Variants in HMGCLL1 observed in about 807,000 individuals in gnomAD.
HMGCLL1 encodes 3-hydroxymethyl-3-methylglutaryl-CoA lyase, cytoplasmic.
HMGCLL1 carries 36 observed loss-of-function variants against 39.1 expected under a neutral mutation model. The observed-to-expected ratio is 0.92, with a 90% CI of 0.71 to 1.22. The LOEUF is 1.22. Ranked by LOEUF, HMGCLL1 falls within the 50% of genes most tolerant of loss-of-function variation. The pLI is 0.00. For missense variants in HMGCLL1, 451 were observed against 416.5 expected, an observed-to-expected ratio of 1.08 and a Z score of -0.72; for synonymous variants, 149 against 144.0, an observed-to-expected ratio of 1.03 and a Z score of -0.25.
chr6:55,647,158 C>A, the HMGCLL1 span, among the ~76,000 whole-genome samples: 15 of 151,916 alleles, frequency 9.9e-5, no homozygotes, highest in East Asian at 3.9e-4. Flanking sequence ...TATATAATGA[C>A]CTTCTCTTTT....
intron 6 of HMGCLL1, 25 bp downstream of exon 6, chr6:55,499,211 C>CA (rs1308930662): frequency 6.3e-7 from 1 of 1,588,250 alleles, no homozygotes; most frequent in Admixed American, 1.8e-5. Flanking sequence ...TACCATAAAC[C>CA]AAAAAAGCTG....
the HMGCLL1 span, among the ~76,000 whole-genome samples, chr6:55,617,204 A>G: frequency 5.9e-5 from 9 of 152,078 alleles, no homozygotes; most frequent in Non-Finnish European, 7.4e-5. Context: ...TGCACTCATG[A>G]TGTCCTGTCT....
At chr6:55,496,868 A>T (rs765733822) in intron 6 of HMGCLL1, among the ~76,000 whole-genome samples, 5 of 152,138 alleles carry the variant, frequency 3.3e-5, no homozygotes, top group Non-Finnish European at 7.4e-5. Flanking sequence ...AGCTATTAGT[A>T]GTTAAGTTTT....
At chr6:55,609,120 C>A in the HMGCLL1 span, among the ~76,000 whole-genome samples, 1 of 152,222 alleles carries the variant, frequency 6.6e-6, no homozygotes. Context: ...AATCACAGAG[C>A]CTTGCAGATT....
the HMGCLL1 span, among the ~76,000 whole-genome samples, chr6:55,656,515 G>A: frequency 6.6e-4 from 101 of 151,900 alleles, no homozygotes; most frequent in African/African-American, 2.0e-3. Flanking sequence ...CCTTGTGTAC[G>A]TCCCTCCACT....
At chr6:55,554,356 T>A (rs1021172510) in intron 1 of HMGCLL1, among the ~76,000 whole-genome samples, 5 of 152,066 alleles carry the variant, frequency 3.3e-5, no homozygotes, top group African/African-American at 1.2e-4. Context: ...ATCTAAAATT[T>A]TTTAAATTGT....
chr6:55,443,159 T>C (rs1763677413), intron 7 of HMGCLL1, among the ~76,000 whole-genome samples: 1 of 152,194 alleles, frequency 6.6e-6, no homozygotes, highest in Non-Finnish European at 1.5e-5. Flanking sequence ...GTTTCTTATC[T>C]ATCTCACCCT....
chr6:55,650,676 A>G, the HMGCLL1 span, among the ~76,000 whole-genome samples: 2 of 152,038 alleles, frequency 1.3e-5, no homozygotes, highest in Non-Finnish European at 2.9e-5. Flanking sequence ...TCTGGAAGCC[A>G]AGGATTAGAG....
the HMGCLL1 span, among the ~76,000 whole-genome samples, chr6:55,605,070 A>G: frequency 6.6e-5 from 10 of 152,342 alleles, no homozygotes; most frequent in African/African-American, 2.4e-4. Context: ...AGGCACAGCT[A>G]CTAGAAAGGC....
the HMGCLL1 span, among the ~76,000 whole-genome samples, chr6:55,671,461 G>C: frequency 6.6e-6 from 1 of 151,720 alleles, no homozygotes; most frequent in Non-Finnish European, 1.5e-5. Flanking sequence ...CCTCTAACAA[G>C]ACTTTTTACA....
intron 3 of HMGCLL1, 86 bp downstream of exon 3, chr6:55,541,643 A>T (rs1001025582): frequency 4.4e-6 from 3 of 683,756 alleles, no homozygotes; most frequent in Admixed American, 5.2e-5. Context: ...ATTAGTAATT[A>T]TATCAAGTTA....
chr6:55,494,068 A>C (rs1766460124), intron 7 of HMGCLL1, among the ~76,000 whole-genome samples: 1 of 151,938 alleles, frequency 6.6e-6, no homozygotes, highest in South Asian at 2.1e-4. Context: ...GATTGCAACA[A>C]TTACTTCTTC....
chr6:55,616,771 G>T, the HMGCLL1 span, among the ~76,000 whole-genome samples: 2 of 151,950 alleles, frequency 1.3e-5, no homozygotes, highest in South Asian at 2.1e-4. Flanking sequence ...AAACAAACTA[G>T]AAGTAAAAAA....
At chr6:55,521,147 T>C (rs1768019460) in intron 3 of HMGCLL1, among the ~76,000 whole-genome samples, 1 of 152,104 alleles carries the variant, frequency 6.6e-6, no homozygotes, top group Non-Finnish European at 1.5e-5. Context: ...GTGTTCCAAA[T>C]ATTTAGGCTT....
intron 3 of HMGCLL1, among the ~76,000 whole-genome samples, chr6:55,530,478 T>C (rs1312761077): frequency 6.6e-6 from 1 of 152,050 alleles, no homozygotes; most frequent in Non-Finnish European, 1.5e-5. Context: ...AGTGATGAAT[T>C]GATAGGTCAA....
the HMGCLL1 span, among the ~76,000 whole-genome samples, chr6:55,592,969 T>G: frequency 6.6e-6 from 1 of 152,092 alleles, no homozygotes; most frequent in Non-Finnish European, 1.5e-5. Context: ...TAAGCTAAAG[T>G]GAAATCTATA....
the HMGCLL1 span, among the ~76,000 whole-genome samples, chr6:55,593,125 A>G: frequency 6.6e-6 from 1 of 152,082 alleles, no homozygotes; most frequent in Non-Finnish European, 1.5e-5. Flanking sequence ...AGCTGTTGAG[A>G]GCCCTTCAAA....
intron 5 of HMGCLL1, among the ~76,000 whole-genome samples, chr6:55,511,175 C>G (rs374375269): frequency 6.6e-6 from 1 of 152,052 alleles, no homozygotes; most frequent in Non-Finnish European, 1.5e-5. Flanking sequence ...ACAATTTAGA[C>G]AGTTAATAGA....
intron 3 of HMGCLL1, among the ~76,000 whole-genome samples, chr6:55,535,779 T>G (rs574676383): frequency 6.6e-6 from 1 of 152,300 alleles, no homozygotes; most frequent in South Asian, 2.1e-4. Context: ...CTGGAAAATT[T>G]CCCAAATGGA....
Sources: gnomAD v4.1 joint callset for allele counts (sites outside exome capture counted in the v4.1 genomes callset) on GRCh38, gnomAD v4.1.1 for gene constraint, MANE v1.5 for transcripts, NCBI Gene and HGNC (gene_info 2026-07-23, HGNC 2026-07-21) for gene names.